Variants in SPTBN5 observed in about 807,000 individuals in gnomAD.
The protein encoded by SPTBN5 is spectrin beta chain, non-erythrocytic 5.
Under a neutral mutation model 477.6 loss-of-function variants are expected in SPTBN5, and 513 were observed. The observed-to-expected ratio is 1.07, with a 90% CI of 1.00 to 1.16. SPTBN5 has a LOEUF of 1.16. SPTBN5 is among the 50% of genes most tolerant of loss of function. The pLI is 0.00. For missense variants in SPTBN5, 5,062 were observed against 4,731.8 expected, an observed-to-expected ratio of 1.07 and a Z score of -2.05; for synonymous variants, 2,169 against 2,011.7, an observed-to-expected ratio of 1.08 and a Z score of -2.09.
chr15:41,850,087 T>C (rs1482445307), intron 66 of SPTBN5, 128 bp from the exon 67 acceptor site: 1 of 782,736 alleles, frequency 1.3e-6, no homozygotes, highest in East Asian at 2.7e-5. Context: ...TGCCAGGCCC[T>C]TCCCACGTGG....
chr15:41,883,581 A>T, intron 7 of SPTBN5, 95 bp from the exon 8 acceptor site: 2 of 1,476,930 alleles, frequency 1.4e-6, no homozygotes, highest in South Asian at 2.6e-5. Context: ...GCTGCCCTGG[A>T]AGAGTCTGAC....
intron 25 of SPTBN5, 103 bp downstream of exon 25, chr15:41,873,742 A>G: frequency 6.6e-7 from 1 of 1,522,122 alleles, no homozygotes; most frequent in Non-Finnish European, 8.9e-7. Context: ...CTCCCAGCCC[A>G]GAGCCCCCAC....
At chr15:41,862,076 A>G in intron 44 of SPTBN5, 54 bp downstream of exon 44, 2 of 1,391,336 alleles carry the variant, frequency 1.4e-6, no homozygotes, top group Non-Finnish European at 9.6e-7. Flanking sequence ...GAGGAAGGGG[A>G]GGGCAGGGCG....
chr15:41,852,777 G>GGGA, intron 60 of SPTBN5, 42 bp from the exon 61 acceptor site: 1 of 1,610,648 alleles, frequency 6.2e-7, no homozygotes, highest in South Asian at 1.1e-5. Context: ...CTTGGGGGGG[G>GGGA]GGGCCCAGAG....
At chr15:41,860,874 G>T in intron 46 of SPTBN5, 116 bp from the exon 47 acceptor site, 2 of 1,042,846 alleles carry the variant, frequency 1.9e-6, no homozygotes, top group Non-Finnish European at 2.6e-6. Flanking sequence ...CGGCTGCTCC[G>T]CCCAAACACA....
Position 41,863,793 on chromosome 15 carries a change from G to C in SPTBN5, c.7060C>G (p.Leu2354Val). The change falls in exon 41 of 68, where the codon CTC becomes GTC. Residue 2354 changes from leucine (L) to valine (V), a missense_variant. Physicochemically the swap from Leu to Val is conservative, Grantham distance 32. Coordinates refer to ENST00000320955, the MANE Select transcript of SPTBN5 (RefSeq NM_016642.4). The stretch of plus-strand genomic sequence containing the variant: ...CCTTCGAGCTGCTGCTGGTACCGGA[G>C]CAAGTTGCCATGGAAACTCGCCCAC... ...NRWASFHGNL[L>V]RYQQQLEGAL... The C allele has an allele frequency of 6.2e-7, 1 of 1,613,870 alleles. No homozygotes were observed.
Position 41,852,740 on chromosome 15 carries a change from G to A in SPTBN5, c.10348-5C>T. The A allele has an allele frequency of 6.2e-7, 1 of 1,610,476 alleles. No homozygotes were observed. The highest frequency in any genetic ancestry group is 8.5e-7 in the Non-Finnish European group (1 of 1,177,584). ...CTCCACATCTGACACTGAGTGCTGG[G>A]GAGAAGCATGTTCAGGTGACGCCCA... On this transcript the variant is annotated splice_polypyrimidine_tract_variant and splice_region_variant and intron_variant, in intron 60 of 67. Coordinates refer to ENST00000320955, the MANE Select transcript of SPTBN5 (RefSeq NM_016642.4).
At chr15:41,866,899 G>T in intron 36 of SPTBN5, 60 bp downstream of exon 36, 1 of 1,493,140 alleles carries the variant, frequency 6.7e-7, no homozygotes, top group Non-Finnish European at 8.9e-7. Flanking sequence ...GTGTGAAGGC[G>T]GCTGAAAACT....
rs2065631357 is a variant in SPTBN5 at position 41,848,545 on chromosome 15, A to T, written c.*71T>A. On this transcript the variant is annotated 3_prime_UTR_variant, in exon 68 of 68. Coordinates refer to ENST00000320955, the MANE Select transcript of SPTBN5 (RefSeq NM_016642.4). ...GAAGGAGCCCTTTTGCCTGTAGCTGAGTCTTATTCTGGTCCCTTAGATGTG... is the reference window on the plus strand; with the variant it reads ...GAAGGAGCCCTTTTGCCTGTAGCTGTGTCTTATTCTGGTCCCTTAGATGTG... 14 of 1,587,710 alleles carry T rather than the reference A, an allele frequency of 8.8e-6. No homozygotes were observed. The highest frequency in any genetic ancestry group is 1.2e-5 in the Non-Finnish European group (14 of 1,156,286).
intron 12 of SPTBN5, 114 bp from the exon 13 acceptor site, chr15:41,881,348 A>G (rs2066945665): frequency 3.6e-6 from 3 of 843,178 alleles, no homozygotes; most frequent in Admixed American, 5.6e-5. Context: ...CTGTAGCTCA[A>G]AGGGTGTGTG....
chr15:41,873,910 C>T lies in SPTBN5; in HGVS notation c.4825G>A (p.Ala1609Thr), dbSNP rs2066626914. The T allele has an allele frequency of 2.5e-6, 4 of 1,611,364 alleles. No homozygotes were observed. The highest frequency in any genetic ancestry group is 2.2e-5 in the East Asian group (1 of 44,890). The stretch of plus-strand genomic sequence containing the variant: ...GCTTCACATGCCCTCTCCAGCTCTG[C>T]CCAGTGGCCTTCCAGCTCCTGGCAC... ...EQCQELEGHW[A>T]ELERACEARA... is the part of the protein sequence containing the mutation. Residue 1609 changes from alanine (A) to threonine (T), a missense_variant, in exon 25 of 68, where the codon GCA becomes ACA. Transcript: ENST00000320955.
intron 63 of SPTBN5, among the ~76,000 whole-genome samples, 153 bp downstream of exon 63, chr15:41,851,626 T>G (rs2065768233): frequency 1.3e-4 from 19 of 143,656 alleles, no homozygotes; most frequent in South Asian, 2.2e-4. Flanking sequence ...CTGGGAAGGG[T>G]CCCAAGGAGC....
chr15:41,871,691 C>A, intron 28 of SPTBN5, 91 bp downstream of exon 28: 6 of 1,431,790 alleles, frequency 4.2e-6, no homozygotes, highest in Non-Finnish European at 5.5e-6. Flanking sequence ...CGCTCTGCTG[C>A]CACCTTCTTC....
Position 41,874,957 on chromosome 15 carries a change from G to A in SPTBN5, c.4387C>T (p.Gln1463Ter), listed in dbSNP as rs1447425065. 2 of 1,613,556 alleles carry A rather than the reference G, an allele frequency of 1.2e-6. No homozygotes were observed. Among genetic ancestry groups the A allele is most frequent in the African/African-American group, 1.3e-5 (1 of 74,944 alleles). Reference protein sequence around the residue: ...SSQRLQKRHQQLESESRTLAA... With the variant: ...SSQRLQKRHQ Reference sequence around the variant, plus strand: ...AGGGTCCGGCTCTCACTCTCCAGCTGTTGGTGCCGTTTCTGCAGCCTCTGG... The same window carrying A: ...AGGGTCCGGCTCTCACTCTCCAGCTATTGGTGCCGTTTCTGCAGCCTCTGG... The change falls in exon 23 of 68, where the codon CAG (glutamine) becomes TAG (stop). Residue 1463 changes from glutamine (Q) to a stop codon, truncating the protein, a stop_gained. Coordinates refer to ENST00000320955, the MANE Select transcript of SPTBN5 (RefSeq NM_016642.4). LOFTEE classifies it high-confidence loss of function.
chr15:41,883,400 A>G lies in SPTBN5; in HGVS notation c.1607T>C (p.Leu536Pro). The G allele has an allele frequency of 2.5e-6, 4 of 1,613,898 alleles. No homozygotes were observed. Among genetic ancestry groups the G allele is most frequent in the Non-Finnish European group, 3.4e-6 (4 of 1,179,880 alleles). Residue 536 changes from leucine to proline, a missense_variant, in exon 8 of 68, where the codon CTG (leucine) becomes CCG (proline). By Grantham distance (98) the Leu-to-Pro change is moderately conservative. Coordinates refer to ENST00000320955, the MANE Select transcript of SPTBN5 (RefSeq NM_016642.4). ...RKQVADMQAV[L>P]SLLQEVEAAS... The stretch of plus-strand genomic sequence containing the variant: ...AGCCTCCACCTCCTGCAGCAGGCTC[A>G]GCACAGCCTGCATGTCTGCCACCTG...
At chr15:41,856,624 C>T (rs780621541) in intron 52 of SPTBN5, 26 bp from the exon 53 acceptor site, 16 of 1,542,910 alleles carry the variant, frequency 1.0e-5, no homozygotes, top group African/African-American at 8.2e-5. Context: ...CAGGAGGATG[C>T]GGATGTTGCT....
In SPTBN5 at chr15:41,848,476, A is replaced by G. The variant is rs909780462; in HGVS notation, c.*140T>C. On this transcript the variant is annotated 3_prime_UTR_variant, in exon 68 of 68. Transcript: ENST00000320955. ...CCCATCTAACCAGAAGGAACTGTCT[A>G]TTCCAGAAGCTGGGCCTGGGGAACT... The G allele has an allele frequency of 6.2e-6, 6 of 970,340 alleles. No homozygotes were observed. Among genetic ancestry groups the G allele is most frequent in the East Asian group, 4.8e-5 (2 of 41,630 alleles). The allele number at this position is 970,340 out of a possible 1,614,324, so 60.1% of individuals were successfully genotyped here. A position where few individuals can be genotyped will look rare whatever the true frequency, so the allele number is the denominator to read the frequency against.
chr15:41,890,207 T>C lies in SPTBN5; in HGVS notation c.385-2A>G, dbSNP rs889156112. The stretch of plus-strand genomic sequence containing the variant: ...TGGCCCGATGAGTGGTACTGGCACC[T>C]GTGGGCACAGTTGGATGGGCTAAGC... On this transcript the variant is annotated splice_acceptor_variant, in intron 3 of 67. Transcript: ENST00000320955. LOFTEE classifies it high-confidence loss of function. 2 of 1,605,756 alleles carry C rather than the reference T, an allele frequency of 1.2e-6. No homozygotes were observed. The highest frequency in any genetic ancestry group is 1.7e-5 in the Admixed American group (1 of 59,282).
Position 41,857,392 on chromosome 15 carries a change from C to T in SPTBN5, c.8467G>A (p.Gly2823Ser). The part of the protein sequence containing the change: ...PTVGQALPGV[G>S]ELLGTQRELE... ...TCCCTCTGTGTGCCCAGGAGCTCGC[C>T]CACCCCAGGCAGGGCCTGGCCCACA... The change falls in exon 51 of 68, where the codon GGC becomes AGC. Residue 2823 changes from glycine to serine, a missense_variant. By Grantham distance (56) the Gly-to-Ser change is moderately conservative. Transcript: ENST00000320955. 2 of 1,586,182 alleles carry T rather than the reference C, an allele frequency of 1.3e-6. No homozygotes were observed. The highest frequency in any genetic ancestry group is 2.3e-5 in the East Asian group (1 of 43,470).
Sources: allele counts gnomAD v4.1 joint callset (sites outside exome capture counted in the v4.1 genomes callset), GRCh38; gene constraint gnomAD v4.1.1; transcripts MANE v1.5; gene names NCBI Gene and HGNC (gene_info 2026-07-23, HGNC 2026-07-21).